Variants in RBM4 observed in about 807,000 individuals in gnomAD.
RBM4 encodes RNA binding motif protein 4, also known as RNA-binding protein 4.
A neutral mutation model predicts 29.5 loss-of-function variants in RBM4; 7 were observed. That is an observed-to-expected ratio of 0.24 (90% CI 0.14 to 0.45). The LOEUF (loss-of-function observed/expected upper bound fraction) is 0.45. RBM4 is among the 20% of genes least tolerant of loss of function. The pLI is 1.00. For synonymous variants in RBM4, 220 were observed against 205.4 expected (o/e 1.07, Z -0.61); for missense variants, 387 against 502.3 (o/e 0.77, Z 2.19).
chr11:66,651,537 A>G (rs976123611), intron 2 of RBM4, among the ~76,000 whole-genome samples: 1 of 151,990 alleles, frequency 6.6e-6, no homozygotes, highest in Non-Finnish European at 1.5e-5. Flanking sequence ...TTTAGTAGAG[A>G]CAGGGTTTCA....
intron 2 of RBM4, among the ~76,000 whole-genome samples, chr11:66,655,143 G>A (rs867495474): frequency 6.6e-6 from 1 of 151,794 alleles, no homozygotes; most frequent in South Asian, 2.1e-4. Flanking sequence ...GCACCACCAC[G>A]CCTGGCTAAT....
downstream of RBM4, among the ~76,000 whole-genome samples, chr11:66,649,514 C>T (rs542232390): frequency 3.9e-5 from 6 of 152,264 alleles, no homozygotes; most frequent in East Asian, 1.2e-3. Context: ...TGTACTCCAG[C>T]CTAGGTGACA....
chr11:66,666,653 C>G (rs1161228306), exon 3 of RBM4: 1 of 154,892 alleles, frequency 6.5e-6, no homozygotes, highest in African/African-American at 2.4e-5. Flanking sequence ...GACAGGTTAT[C>G]TGATAGATTT....
At chr11:66,668,347 T>C (rs1939323132) in exon 3 of RBM4, 1 of 404,450 alleles carries the variant, frequency 2.5e-6, no homozygotes, top group Non-Finnish European at 4.5e-6. Flanking sequence ...CCAAATATGC[T>C]TACAACTGAT....
chr11:66,650,954 G>A (rs79331407), downstream of RBM4, among the ~76,000 whole-genome samples: 806 of 152,256 alleles, frequency 5.3e-3, 52 homozygotes, highest in East Asian at 0.13. Context: ...TGCCAGGGGC[G>A]GATGTTGCAG....
chr11:66,644,192 C>A lies in RBM4; in HGVS notation c.*8+52C>A. On this transcript the variant is annotated intron_variant, in intron 3 of 3. Transcript: ENST00000310092. Reference sequence around the variant, plus strand: ...CTGGTTTTGCCATCCCTCCTGCAGCCTAAAGGGCTCCAATTAGGCTGCCCT... The same window carrying A: ...CTGGTTTTGCCATCCCTCCTGCAGCATAAAGGGCTCCAATTAGGCTGCCCT... The A allele has an allele frequency of 2.6e-6, 4 of 1,552,436 alleles. No homozygotes were observed. The Admixed American group carries it at 7.8e-5, about 30-fold the overall frequency.
At chr11:66,650,192 C>G (rs757226362), downstream of RBM4, among the ~76,000 whole-genome samples, 2 of 152,202 alleles carry the variant, frequency 1.3e-5, no homozygotes, top group Admixed American at 6.5e-5. Context: ...CGGCCTGATT[C>G]TGCATGGGTC....
intron 2 of RBM4, among the ~76,000 whole-genome samples, chr11:66,654,863 C>T (rs117131621): frequency 0.11 from 17,282 of 151,760 alleles, 1,272 homozygotes; most frequent in Non-Finnish European, 0.17. Context: ...CTCCCTACGT[C>T]GCCCAGGCTG....
intron 2 of RBM4, chr11:66,641,308 A>G (rs1212244945): frequency 2.0e-5 from 3 of 152,106 alleles, no homozygotes; most frequent in East Asian, 1.9e-4. Flanking sequence ...TTTGGCGTCC[A>G]TTTCCCTTAA....
At position 66,646,173 on chromosome 11, in the gene RBM4, C is replaced by T. The variant is rs946096847; in HGVS notation, c.*155C>T. 4.0e-6 allele frequency: 6 copies of T among 1,503,990 alleles called. No individual in the cohort carries two copies. Among genetic ancestry groups the T allele is most frequent in the Non-Finnish European group, 5.3e-6 (6 of 1,128,286 alleles). The allele number at this position is 1,503,990 out of a possible 1,614,324, so 93.2% of individuals were successfully genotyped here. ...TTAATTTACCTTGCTAAGTTCAGAC[C>T]TTCTCTTCCTTTCCTTTCCTTTCCT... On this transcript the variant is annotated 3_prime_UTR_variant, in exon 4 of 4. Transcript: ENST00000310092.
chr11:66,653,362 A>AT (rs71045956), intron 2 of RBM4, among the ~76,000 whole-genome samples: 125,318 of 135,912 alleles, frequency 0.92, 57,883 homozygotes, highest in Middle Eastern at 0.98. Flanking sequence ...CTACTTAATG[A>AT]TTTTTTTTTT....
rs1409290792 is a variant in RBM4, at chr11:66,639,585, G to C, written c.-12-115G>C. 4.7e-6 allele frequency: 6 copies of C among 1,271,994 alleles called. No individual in the cohort carries two copies. The Admixed American group carries it at 1.2e-4, about 25-fold the overall frequency. The allele number at this position is 1,271,994 out of a possible 1,614,324, so 78.8% of individuals were successfully genotyped here. A position where few individuals can be genotyped will look rare whatever the true frequency, so the allele number is the denominator to read the frequency against. On this transcript the variant is annotated intron_variant, in intron 1 of 3. Coordinates refer to ENST00000310092, the MANE Select transcript of RBM4 (RefSeq NM_002896.4). ...ATTTGATTATTGTGTGGAGGTGTGT[G>C]TGCAGGCGTGTGAGAGAGAAAACTG...
intron 3 of RBM4, among the ~76,000 whole-genome samples, chr11:66,644,906 C>G (rs920104727): frequency 2.6e-5 from 4 of 152,018 alleles, no homozygotes; most frequent in Non-Finnish European, 5.9e-5. Context: ...CTATAACAGC[C>G]CAGCCTGTCA....
At chr11:66,644,184 C>T (rs565369586) in intron 3 of RBM4, 44 bp downstream of exon 3, 5 of 1,569,756 alleles carry the variant, frequency 3.2e-6, no homozygotes, top group East Asian at 4.5e-5. Flanking sequence ...TGCCATCCCT[C>T]CTGCAGCCTA....
Position 66,639,888 on chromosome 11 carries a change from G to A in RBM4, c.177G>A (p.Lys59=). 6.2e-7 allele frequency: 1 copy of A among 1,614,144 alleles called. No homozygotes were observed. Among genetic ancestry groups the A allele is most frequent in the East Asian group, 2.2e-5 (1 of 44,878 alleles). The part of the protein sequence containing the change: ...EDAIRNLHHY[K]LHGVNINVEA... ...CCATACGCAACCTGCACCATTACAAGCTTCATGGGGTGAACATCAACGTGG... is the reference window on the plus strand; with the variant it reads ...CCATACGCAACCTGCACCATTACAAACTTCATGGGGTGAACATCAACGTGG... Residue 59 remains lysine, a synonymous_variant, in exon 2 of 4, where the codon AAG becomes AAA. Transcript: ENST00000310092.
chr11:66,639,651 G>C, intron 1 of RBM4, 49 bp from the exon 2 acceptor site: 2 of 1,574,594 alleles, frequency 1.3e-6, no homozygotes, highest in Non-Finnish European at 1.7e-6. Context: ...TTTTGTGAAC[G>C]GATGTGGGCC....
downstream of RBM4, among the ~76,000 whole-genome samples, chr11:66,650,458 C>T (rs928226725): frequency 6.6e-6 from 1 of 151,996 alleles, no homozygotes; most frequent in Non-Finnish European, 1.5e-5. Context: ...GTAATCCCAT[C>T]TGCTTGGGAG....
chr11:66,640,549 T>C lies in RBM4; in HGVS notation c.412+426T>C, dbSNP rs111977593. ...TCAAAAACATGTCAAGCGACACTTA[T>C]AGGACCAGAATCCTTGTTAAGCTGT... On this transcript the variant is annotated intron_variant, in intron 2 of 3. Transcript: ENST00000310092. 1,025 of 317,766 alleles carry C rather than the reference T, an allele frequency of 3.2e-3. 15 individuals are homozygous for C. The highest frequency in any genetic ancestry group is 0.02 in the African/African-American group (925 of 46,620). The allele number at this position is 317,766 out of a possible 1,614,324, so 19.7% of individuals were successfully genotyped here. A position where few individuals can be genotyped will look rare whatever the true frequency, so the allele number is the denominator to read the frequency against.
intron 2 of RBM4, among the ~76,000 whole-genome samples, chr11:66,658,599 A>G (rs1939006085): frequency 1.3e-5 from 2 of 151,938 alleles, no homozygotes; most frequent in African/African-American, 4.8e-5. Flanking sequence ...TGGTAGCCAG[A>G]GACATATACA....
Sources: allele counts gnomAD v4.1 joint callset (sites outside exome capture counted in the v4.1 genomes callset), GRCh38; gene constraint gnomAD v4.1.1; transcripts MANE v1.5; gene names NCBI Gene and HGNC (gene_info 2026-07-23, HGNC 2026-07-21).